Variants in KIRREL3 observed in about 807,000 individuals in gnomAD.
KIRREL3 encodes kin of IRRE-like protein 3.
KIRREL3 carries 36 observed loss-of-function variants against 89.7 expected under a neutral mutation model. That is an observed-to-expected ratio of 0.40 (90% CI 0.31 to 0.53). The LOEUF (loss-of-function observed/expected upper bound fraction) is 0.53, where lower values mean the gene tolerates loss of function less well. Ranked by LOEUF, KIRREL3 falls within the 20% of genes least tolerant of loss-of-function variation. KIRREL3 has a pLI of 0.49. For synonymous variants in KIRREL3, 445 were observed against 441.4 expected (o/e 1.01, Z -0.10); for missense variants, 864 against 1,056.6 (o/e 0.82, Z 2.53).
At chr11:126,512,710 T>G (rs1439380956) in intron 4 of KIRREL3, among the ~76,000 whole-genome samples, 1 of 152,188 alleles carries the variant, frequency 6.6e-6, no homozygotes, top group Non-Finnish European at 1.5e-5. Context: ...GCTGAGCAGT[T>G]GAGCCTGCTC....
At chr11:126,735,693 T>C (rs745879434) in intron 1 of KIRREL3, among the ~76,000 whole-genome samples, 25 of 152,212 alleles carry the variant, frequency 1.6e-4, no homozygotes, top group Non-Finnish European at 3.4e-4. Context: ...TATTTCCTTG[T>C]CTCTTTCTGT....
intron 1 of KIRREL3, among the ~76,000 whole-genome samples, chr11:126,756,278 G>C (rs1949497226): frequency 6.6e-6 from 1 of 152,244 alleles, no homozygotes; most frequent in African/African-American, 2.4e-5. Flanking sequence ...AATTGTATGT[G>C]CTGAGATGTT....
At chr11:126,825,878 A>G (rs556027024) in intron 1 of KIRREL3, among the ~76,000 whole-genome samples, 1 of 152,326 alleles carries the variant, frequency 6.6e-6, no homozygotes, top group South Asian at 2.1e-4. Flanking sequence ...TTGATACGTT[A>G]ATCAGGTTGT....
At position 126,807,732 on chromosome 11, in the gene KIRREL3, A is replaced by T. The variant is rs1330802006; in HGVS notation, c.55+192723T>A. On this transcript the variant is annotated intron_variant, in intron 1 of 16. Coordinates refer to ENST00000525144, the MANE Select transcript of KIRREL3 (RefSeq NM_032531.4). The surrounding 1 kb of genome is among the most constrained non-coding windows in gnomAD (Gnocchi z 4.3). ...AACCCATTTCTAGGAGGCTTCTGAG[A>T]TTCTTCTACATGTCTACTCTGATGT... Among the ~76,000 whole-genome samples the T allele has an allele frequency of 6.6e-6, 1 of 152,110 alleles. No homozygotes were observed. Among genetic ancestry groups the T allele is most frequent in the Non-Finnish European group, 1.5e-5 (1 of 68,008 alleles).
chr11:126,583,967 G>A (rs541901921), intron 1 of KIRREL3, among the ~76,000 whole-genome samples: 56 of 151,988 alleles, frequency 3.7e-4, no homozygotes, highest in African/African-American at 1.3e-3. Flanking sequence ...TATTTCCTCC[G>A]CGGCAACTAT....
Position 126,518,299 on chromosome 11 carries a change from T to A in KIRREL3, c.433+3016A>T, listed in dbSNP as rs890559704. 2.0e-4 allele frequency among the ~76,000 whole-genome samples: 30 copies of A among 152,252 alleles called. 1 individual carries two copies. The highest frequency in any genetic ancestry group is 1.6e-3 in the Admixed American group (25 of 15,294). ...TCTGCGAGCTGGCCCTCTGGCTTCA[T>A]CTGAGCACGCTGCCGGCAGATGCAT... On this transcript the variant is annotated intron_variant, in intron 4 of 16. Coordinates refer to ENST00000525144, the MANE Select transcript of KIRREL3 (RefSeq NM_032531.4).
At position 126,911,800 on chromosome 11, in the gene KIRREL3, G is replaced by T. The variant is rs368604813; in HGVS notation, c.55+88655C>A. Among the ~76,000 whole-genome samples, 332 of 152,018 alleles carry T rather than the reference G, an allele frequency of 2.2e-3. 1 individual carries two copies. Among genetic ancestry groups the T allele is most frequent in the African/African-American group, 7.6e-3 (314 of 41,436 alleles). ...AGATCGAGACCATCCTGGCTAACAC[G>T]GTGAAACCCTGTCTCTACTAAAAAT... On this transcript the variant is annotated intron_variant, in intron 1 of 16. Transcript: ENST00000525144.
In KIRREL3 at chr11:126,768,791, A is replaced by C. The variant is rs565907358; in HGVS notation, c.56-205879T>G. On this transcript the variant is annotated intron_variant, in intron 1 of 16. Transcript: ENST00000525144. The surrounding 1 kb of genome is among the most constrained non-coding windows in gnomAD (Gnocchi z 4.5). ...AGGAAGGTCACTGTGGCTAAGCTTG[A>C]TGGTCCTGGGGAAAGGAGGTATGGC... Among the ~76,000 whole-genome samples, 5 of 152,164 alleles carry C rather than the reference A, an allele frequency of 3.3e-5. No homozygotes were observed. The highest frequency in any genetic ancestry group is 5.9e-5 in the Non-Finnish European group (4 of 68,042).
At position 126,525,321 on chromosome 11, in the gene KIRREL3, C is replaced by G. The variant is rs1476022056; in HGVS notation, c.283+1217G>C. Among the ~76,000 whole-genome samples the G allele has an allele frequency of 6.6e-6, 1 of 152,200 alleles. No homozygotes were observed. Among genetic ancestry groups the G allele is most frequent in the East Asian group, 1.9e-4 (1 of 5,192 alleles). On this transcript the variant is annotated intron_variant, in intron 3 of 16. Transcript: ENST00000525144. The surrounding 1 kb of genome is among the most constrained non-coding windows in gnomAD (Gnocchi z 5.4). ...TCTAGTTTGGGAAGGTTGTATCATT[C>G]CTGGAGTTTCTCTAGGGTAAAGGCG...
chr11:126,843,624 AG>A lies in KIRREL3; in HGVS notation c.55+156830del, dbSNP rs1306246681. Among the ~76,000 whole-genome samples, 1 of 152,186 alleles carries A rather than the reference AG, an allele frequency of 6.6e-6. No homozygotes were observed. The highest frequency in any genetic ancestry group is 6.5e-5 in the Admixed American group (1 of 15,284). ...GAACCAGAGCAACTCCATCCTGAATAGGGGCTGGGTAAAATAAGGCTAACTT... is the reference window on the plus strand; with the variant it reads ...GAACCAGAGCAACTCCATCCTGAATAGGGCTGGGTAAAATAAGGCTAACTT... On this transcript the variant is annotated intron_variant, in intron 1 of 16. Coordinates refer to ENST00000525144, the MANE Select transcript of KIRREL3 (RefSeq NM_032531.4). This position sits in a 1 kb window ranked among gnomAD's most constrained non-coding sequence, Gnocchi z 4.6.
rs934059688 is a variant in KIRREL3 at position 126,521,983 on chromosome 11, G to A, written c.284-519C>T. ...GGTCTTGAACTCCTGGACTTAGGCGGTTCTCCCTCCTCAACCTCCCAAAGT... is the reference window on the plus strand; with the variant it reads ...GGTCTTGAACTCCTGGACTTAGGCGATTCTCCCTCCTCAACCTCCCAAAGT... On this transcript the variant is annotated intron_variant, in intron 3 of 16. Transcript: ENST00000525144. This position sits in a 1 kb window ranked among gnomAD's most constrained non-coding sequence, Gnocchi z 4.1. Among the ~76,000 whole-genome samples the A allele has an allele frequency of 2.6e-5, 4 of 152,020 alleles. No homozygotes were observed. The highest frequency in any genetic ancestry group is 9.7e-5 in the African/African-American group (4 of 41,372).
At position 126,569,529 on chromosome 11, in the gene KIRREL3, G is replaced by C. The variant is rs1033825269; in HGVS notation, c.56-6617C>G. 2.6e-5 allele frequency among the ~76,000 whole-genome samples: 4 copies of C among 152,176 alleles called. No homozygotes were observed. Among genetic ancestry groups the C allele is most frequent in the African/African-American group, 9.7e-5 (4 of 41,436 alleles). ...GCACTATGTGCAAGAGAAAAAAATAGTAGGCAAACTTCCTAGCCCAAAGAT... is the reference window on the plus strand; with the variant it reads ...GCACTATGTGCAAGAGAAAAAAATACTAGGCAAACTTCCTAGCCCAAAGAT... On this transcript the variant is annotated intron_variant, in intron 1 of 16. Coordinates refer to ENST00000525144, the MANE Select transcript of KIRREL3 (RefSeq NM_032531.4). This position sits in a 1 kb window ranked among gnomAD's most constrained non-coding sequence, Gnocchi z 6.5.
Position 126,424,538 on chromosome 11 carries a change from T to C in KIRREL3, c.*42A>G. ...GTCCCTGGACAACCAGAACGTGCCC[T>C]GACCTCTTCCCTGGCCCGTCCCCAC... is the stretch of plus-strand genomic sequence containing the variant. On this transcript the variant is annotated 3_prime_UTR_variant, in exon 17 of 17. Transcript: ENST00000525144. 2 of 1,595,696 alleles carry C rather than the reference T, an allele frequency of 1.3e-6. No homozygotes were observed. Among genetic ancestry groups the C allele is most frequent in the Non-Finnish European group, 8.6e-7 (1 of 1,167,386 alleles).
intron 1 of KIRREL3, among the ~76,000 whole-genome samples, chr11:126,712,726 T>C (rs1413168336): frequency 6.6e-6 from 1 of 152,132 alleles, no homozygotes; most frequent in Non-Finnish European, 1.5e-5. Context: ...GGCGACAACC[T>C]GAAAGCTACC....
chr11:126,556,987 C>T (rs976723519), intron 2 of KIRREL3, among the ~76,000 whole-genome samples: 2 of 152,130 alleles, frequency 1.3e-5, no homozygotes, highest in Non-Finnish European at 2.9e-5. Flanking sequence ...AACAAAATGA[C>T]GGTATTAGCC....
rs1408452098 is a variant in KIRREL3 at position 126,906,465 on chromosome 11, C to T, written c.55+93990G>A. Among the ~76,000 whole-genome samples, 1 of 152,184 alleles carries T rather than the reference C, an allele frequency of 6.6e-6. No homozygotes were observed. The highest frequency in any genetic ancestry group is 2.4e-5 in the African/African-American group (1 of 41,432). On this transcript the variant is annotated intron_variant, in intron 1 of 16. Transcript: ENST00000525144. The surrounding 1 kb of genome is among the most constrained non-coding windows in gnomAD (Gnocchi z 4.1). Reference sequence around the variant, plus strand: ...CCAAAGAGACATGTTACAGCCCCTACCAGATGGCAAGAACCTTGAACCTTA... The same window carrying T: ...CCAAAGAGACATGTTACAGCCCCTATCAGATGGCAAGAACCTTGAACCTTA...
intron 1 of KIRREL3, among the ~76,000 whole-genome samples, chr11:126,951,397 C>G (rs1346434537): frequency 6.6e-6 from 1 of 152,102 alleles, no homozygotes; most frequent in Non-Finnish European, 1.5e-5. Context: ...CTTACATTTT[C>G]CAGTTTATTG....
intron 1 of KIRREL3, among the ~76,000 whole-genome samples, chr11:126,691,075 G>T: frequency 6.6e-6 from 1 of 152,198 alleles, no homozygotes; most frequent in East Asian, 1.9e-4. Context: ...TCAGGGAAAT[G>T]CATATCAAGG....
At chr11:126,631,124 T>TATGTATGTATTCATTC (rs543668078) in intron 1 of KIRREL3, among the ~76,000 whole-genome samples, 148 of 106,754 alleles carry the variant, frequency 1.4e-3, no homozygotes, top group African/African-American at 4.7e-3. Context: ...TGTATGTATG[T>TATGTATGTATTCATTC]ATTCATTCAT....
Sources: gnomAD v4.1 joint callset for allele counts (sites outside exome capture counted in the v4.1 genomes callset) on GRCh38, gnomAD v4.1.1 for gene constraint, Gnocchi (gnomAD v3.1) non-coding constraint, MANE v1.5 for transcripts, NCBI Gene and HGNC (gene_info 2026-07-23, HGNC 2026-07-21) for gene names.